Variants in TRIOBP observed in about 807,000 individuals in gnomAD.
TRIOBP encodes the protein TRIO and F-actin-binding protein.
A neutral mutation model predicts 238.8 loss-of-function variants in TRIOBP; 169 were observed. The ratio of observed to expected loss-of-function variants is 0.71; its 90% confidence interval spans 0.62 to 0.80. The LOEUF (loss-of-function observed/expected upper bound fraction) is 0.80. Ranked by LOEUF, TRIOBP falls within the 30% of genes least tolerant of loss-of-function variation. The pLI is 0.00. For missense variants in TRIOBP, 2,838 were observed against 3,122.6 expected (o/e 0.91, Z 2.17); for synonymous variants, 1,150 against 1,274.4 (o/e 0.90, Z 2.08).
In TRIOBP at chr22:37,701,480, GTGGGCCAGTTTTCCACGTGGT is replaced by G. The variant is rs769796353; in HGVS notation, c.114+6_114+26del. 6.2e-7 allele frequency: 1 copy of G among 1,608,008 alleles called. No homozygotes were observed. Among genetic ancestry groups the G allele is most frequent in the Non-Finnish European group, 8.5e-7 (1 of 1,177,114 alleles). ...GGAGGCCCATGGAGCAAGATACCAG[GTGGGCCAGTTTTCCACGTGGT>G]TGGGGTGGTTTGTGATGGGGGCATG... On this transcript the variant is annotated splice_donor_variant and splice_donor_5th_base_variant and intron_variant, in intron 3 of 23. Transcript: ENST00000644935. LOFTEE classifies it high-confidence loss of function.
intron 3 of TRIOBP, among the ~76,000 whole-genome samples, chr22:37,708,241 G>A (rs1203064983): frequency 2.1e-5 from 2 of 94,002 alleles, no homozygotes; most frequent in African/African-American, 3.7e-5. Context: ...GTGAGACTCC[G>A]TCTCACAAAA....
At chr22:37,740,688 G>T (rs1924890699) in intron 10 of TRIOBP, among the ~76,000 whole-genome samples, 2 of 152,230 alleles carry the variant, frequency 1.3e-5, no homozygotes, top group African/African-American at 4.8e-5. Flanking sequence ...CTTCAAAGGT[G>T]CTGAGCCCTG....
At chr22:37,743,801 A>ATGCGTGTG (rs1925059507) in intron 11 of TRIOBP, among the ~76,000 whole-genome samples, 1 of 114,100 alleles carries the variant, frequency 8.8e-6, no homozygotes. Context: ...GAGAGAGAGA[A>ATGCGTGTG]TGTGTGTGTG....
chr22:37,771,525 G>C, intron 21 of TRIOBP, 125 bp from the exon 22 acceptor site: 1 of 829,528 alleles, frequency 1.2e-6, no homozygotes, highest in Non-Finnish European at 2.1e-6. Flanking sequence ...GATGTAGAGG[G>C]TTTTTGTGCA....
intron 11 of TRIOBP, chr22:37,750,609 C>G (rs528559097): frequency 2.1e-6 from 1 of 470,742 alleles, no homozygotes; most frequent in Admixed American, 2.4e-5. Context: ...GGTTCTCGGC[C>G]GTGAGCAGAG....
intron 21 of TRIOBP, among the ~76,000 whole-genome samples, chr22:37,771,301 T>C (rs1050275896): frequency 3.9e-5 from 6 of 152,096 alleles, no homozygotes; most frequent in African/African-American, 1.4e-4. Context: ...GGGGAGGGGT[T>C]AATGAGGTGC....
chr22:37,751,291 A>G, intron 11 of TRIOBP: 1 of 346,196 alleles, frequency 2.9e-6, no homozygotes, highest in Non-Finnish European at 5.9e-6. Context: ...TCCACCTCCC[A>G]TAGTCTCCTG....
chr22:37,769,045 T>C lies in TRIOBP; in HGVS notation c.6593T>C (p.Leu2198Pro). ...RKQHQSDVEA[L>P]KRELQVLSEQ... The stretch of plus-strand genomic sequence containing the variant: ...TGGGGCAGGTCAGATGTGGAGGCAC[T>C]GAAGCGAGAGCTGCAGGTGCTATCG... The change falls in exon 20 of 24, where the codon CTG becomes CCG. Residue 2198 changes from leucine to proline, a missense_variant. Around this residue, in one of 5 missense-constraint regions of TRIOBP, gnomAD observed 2,096 missense variants for 2,137.4 expected, o/e 0.98. Transcript: ENST00000644935. The C allele has an allele frequency of 2.5e-6, 4 of 1,613,460 alleles. No homozygotes were observed. Among genetic ancestry groups the C allele is most frequent in the Non-Finnish European group, 3.4e-6 (4 of 1,180,022 alleles).
At chr22:37,762,979 A>G (rs1475949286) in intron 17 of TRIOBP, among the ~76,000 whole-genome samples, 1 of 152,110 alleles carries the variant, frequency 6.6e-6, no homozygotes, top group Non-Finnish European at 1.5e-5. Context: ...TTTGATGTCC[A>G]TGTCAAAGGT....
chr22:37,730,523 G>A (rs1345770709), intron 7 of TRIOBP, among the ~76,000 whole-genome samples: 1 of 152,134 alleles, frequency 6.6e-6, no homozygotes, highest in African/African-American at 2.4e-5. Context: ...CCATTAGGGA[G>A]GAACAGCCCA....
intron 14 of TRIOBP, 87 bp downstream of exon 14, chr22:37,755,277 C>T: frequency 7.5e-7 from 1 of 1,340,164 alleles, no homozygotes; most frequent in Non-Finnish European, 1.0e-6. Flanking sequence ...CATGGCTCAC[C>T]ATGGAGACTG....
chr22:37,708,247 C>CAAAAA (rs34560689), intron 3 of TRIOBP, among the ~76,000 whole-genome samples: 1 of 85,256 alleles, frequency 1.2e-5, no homozygotes, highest in Non-Finnish European at 2.5e-5. Context: ...CTCCGTCTCA[C>CAAAAA]AAAAAAAAAA....
intron 7 of TRIOBP, among the ~76,000 whole-genome samples, chr22:37,731,515 G>T (rs1924421018): frequency 6.6e-6 from 1 of 151,878 alleles, no homozygotes; most frequent in African/African-American, 2.4e-5. Context: ...GGAGTGCAGT[G>T]GCGCGATCTC....
At chr22:37,767,713 G>T (rs1259873306) in intron 18 of TRIOBP, among the ~76,000 whole-genome samples, 2 of 152,130 alleles carry the variant, frequency 1.3e-5, no homozygotes, top group Non-Finnish European at 2.9e-5. Flanking sequence ...GTCTGCAGGG[G>T]GGGTGTACTA....
Position 37,733,307 on chromosome 22 carries a change from G to A in TRIOBP, c.3957G>A (p.Glu1319=). Residue 1319 remains glutamate, a synonymous_variant, in exon 8 of 24, where the codon GAG becomes GAA. Transcript: ENST00000644935. ...RLFGQERRKS[E]AAGAFQAQDE... is the part of the protein sequence containing the mutation. ...CTGCATTTGCTCATAGGAAGTCCGA[G>A]GCAGCGGGGGCCTTCCAGGCCCAGG... The A allele has an allele frequency of 6.4e-7, 1 of 1,550,726 alleles. No individual in the cohort carries two copies. Among genetic ancestry groups the A allele is most frequent in the South Asian group, 1.2e-5 (1 of 84,090 alleles).
chr22:37,736,294 CTCTCTG>C (rs1385688951), intron 9 of TRIOBP, among the ~76,000 whole-genome samples: 1 of 152,202 alleles, frequency 6.6e-6, no homozygotes, highest in Non-Finnish European at 1.5e-5. Flanking sequence ...GCCTCTCTCT[CTCTCTG>C]TAAGATGGAC....
chr22:37,772,287 T>A (rs551764659), intron 22 of TRIOBP, among the ~76,000 whole-genome samples: 1 of 152,258 alleles, frequency 6.6e-6, no homozygotes, highest in East Asian at 1.9e-4. Context: ...ACAGGTGGCG[T>A]GAACTCACAG....
chr22:37,710,305 A>C, intron 3 of TRIOBP, 122 bp from the exon 4 acceptor site: 1 of 1,437,884 alleles, frequency 7.0e-7, no homozygotes, highest in Non-Finnish European at 9.5e-7. Context: ...CAGCTCCTTG[A>C]GAAGTGCAGG....
At chr22:37,737,401 T>C (rs575212575) in intron 9 of TRIOBP, among the ~76,000 whole-genome samples, 147 of 152,000 alleles carry the variant, frequency 9.7e-4, no homozygotes, top group African/African-American at 3.4e-3. Flanking sequence ...GTGGCTCACA[T>C]CTGTAATCCC....
Sources: allele counts gnomAD v4.1 joint callset (sites outside exome capture counted in the v4.1 genomes callset), GRCh38; gene constraint gnomAD v4.1.1; regional missense constraint gnomAD v4.1.1; transcripts MANE v1.5; gene names NCBI Gene and HGNC (gene_info 2026-07-23, HGNC 2026-07-21).